Variants in CADPS2 observed in about 807,000 individuals in gnomAD.
CADPS2 encodes calcium dependent secretion activator 2.
CADPS2 carries 93 observed loss-of-function variants against 172.5 expected under a neutral mutation model. The ratio of observed to expected loss-of-function variants is 0.54; its 90% CI spans 0.46 to 0.64. CADPS2 has a LOEUF of 0.64. CADPS2 is among the 30% of genes least tolerant of loss of function. The pLI, the probability that CADPS2 is intolerant of heterozygous loss-of-function variation, is 0.00. For synonymous variants in CADPS2, 546 were observed against 555.2 expected (o/e 0.98, Z 0.23); for missense variants, 1,420 against 1,565.9 (o/e 0.91, Z 1.57).
chr7:122,637,570 G>A (rs113143625), intron 3 of CADPS2, among the ~76,000 whole-genome samples: 1 of 152,146 alleles, frequency 6.6e-6, no homozygotes, highest in African/African-American at 2.4e-5. Flanking sequence ...CTGTTTTACG[G>A]AATTCCTTGA....
Position 122,540,631 on chromosome 7 carries a change from A to T in CADPS2, c.1475+13919T>A, listed in dbSNP as rs184147085. ...CTCTCAGCAATTAAAACGGCAAGGC[A>T]TATTATTAAGGTCCCACAATTCTTC... On this transcript the variant is annotated intron_variant, in intron 8 of 29. Coordinates refer to ENST00000449022, the MANE Select transcript of CADPS2 (RefSeq NM_017954.11). 3.3e-5 allele frequency among the ~76,000 whole-genome samples: 5 copies of T among 152,254 alleles called. No individual in the cohort carries two copies. The East Asian group carries it at 9.6e-4, about 29-fold the overall frequency.
At chr7:122,756,438 T>G (rs1261277097) in intron 1 of CADPS2, among the ~76,000 whole-genome samples, 4 of 152,182 alleles carry the variant, frequency 2.6e-5, no homozygotes, top group Admixed American at 2.0e-4. Context: ...CCACATTTCT[T>G]AGGAAAGAGA....
chr7:122,722,108 A>C (rs2090488922), intron 2 of CADPS2, among the ~76,000 whole-genome samples: 2 of 152,152 alleles, frequency 1.3e-5, no homozygotes, highest in African/African-American at 4.8e-5. Context: ...AAAAACTGGA[A>C]GCATTCCCTT....
intron 1 of CADPS2, among the ~76,000 whole-genome samples, chr7:122,740,468 C>T (rs980430825): frequency 3.3e-5 from 5 of 152,012 alleles, no homozygotes; most frequent in African/African-American, 7.2e-5. Context: ...ACATACTGTA[C>T]GACTCCAACG....
chr7:122,751,210 C>G (rs1278307028), intron 1 of CADPS2, among the ~76,000 whole-genome samples: 1 of 152,114 alleles, frequency 6.6e-6, no homozygotes, highest in Non-Finnish European at 1.5e-5. Flanking sequence ...AACTCCTGAG[C>G]TCAAGGGTTC....
intron 1 of CADPS2, among the ~76,000 whole-genome samples, chr7:122,785,838 C>T (rs895100755): frequency 3.9e-5 from 6 of 152,156 alleles, no homozygotes; most frequent in Admixed American, 2.6e-4. Context: ...GAAGCCCTCC[C>T]ACCTCAAGCC....
chr7:122,435,012 G>C (rs2050447796), intron 17 of CADPS2, among the ~76,000 whole-genome samples: 1 of 152,004 alleles, frequency 6.6e-6, no homozygotes, highest in Non-Finnish European at 1.5e-5. Flanking sequence ...CTTTAAATTT[G>C]TATCAAAAAT....
intron 6 of CADPS2, among the ~76,000 whole-genome samples, chr7:122,608,209 C>A (rs141337315): frequency 0.019 from 2,264 of 119,884 alleles, 55 homozygotes; most frequent in African/African-American, 0.084. Flanking sequence ...AGCGAGACTC[C>A]GTCTAAAAAA....
intron 25 of CADPS2, among the ~76,000 whole-genome samples, chr7:122,377,368 T>C (rs998355264): frequency 2.0e-5 from 3 of 152,186 alleles, no homozygotes; most frequent in African/African-American, 2.4e-5. Context: ...AGAGATGACA[T>C]GCAGCCCCAT....
Position 122,652,598 on chromosome 7 carries a change from T to G in CADPS2, c.786+10639A>C, listed in dbSNP as rs1015899190. 2.6e-5 allele frequency among the ~76,000 whole-genome samples: 4 copies of G among 152,330 alleles called. No homozygotes were observed. In the East Asian group the frequency reaches 5.8e-4, roughly 22 times the overall value. Reference sequence around the variant, plus strand: ...ACTCCTGTTCCTTTTTATAATATCCTGATTCAATTAAATCACAGCTAACAA... The same window carrying G: ...ACTCCTGTTCCTTTTTATAATATCCGGATTCAATTAAATCACAGCTAACAA... On this transcript the variant is annotated intron_variant, in intron 3 of 29. Transcript: ENST00000449022.
chr7:122,706,964 G>A (rs935823192), intron 2 of CADPS2, among the ~76,000 whole-genome samples: 38 of 151,234 alleles, frequency 2.5e-4, no homozygotes, highest in African/African-American at 9.2e-4. Flanking sequence ...GATTATCTTA[G>A]GTTAATCATG....
intron 13 of CADPS2, among the ~76,000 whole-genome samples, chr7:122,473,636 T>A (rs2056262131): frequency 6.6e-6 from 1 of 152,224 alleles, no homozygotes; most frequent in African/African-American, 2.4e-5. Flanking sequence ...ATAGGCATTT[T>A]CTGGCTGCAA....
chr7:122,349,327 C>T (rs1208946537), intron 27 of CADPS2, among the ~76,000 whole-genome samples: 2 of 151,918 alleles, frequency 1.3e-5, no homozygotes, highest in Non-Finnish European at 2.9e-5. Context: ...ATAACAAAAA[C>T]CATATAGTAA....
Position 122,388,575 on chromosome 7 carries a change from A to C in CADPS2, c.3164+8T>G, listed in dbSNP as rs780826934. The C allele has an allele frequency of 1.9e-6, 3 of 1,572,140 alleles. No homozygotes were observed. Among genetic ancestry groups the C allele is most frequent in the Admixed American group, 1.8e-5 (1 of 54,164 alleles). On this transcript the variant is annotated splice_region_variant and intron_variant, in intron 23 of 29. Transcript: ENST00000449022. ...ACATTAAGCAGCAATTTGAAAATACATGTCTACCTTTTGACACAGGCCTCT... is the reference window on the plus strand; with the variant it reads ...ACATTAAGCAGCAATTTGAAAATACCTGTCTACCTTTTGACACAGGCCTCT...
rs759730025 is a variant in CADPS2 at position 122,320,293 on chromosome 7, G to A, written c.3763C>T (p.Leu1255=). The A allele has an allele frequency of 1.9e-6, 3 of 1,610,070 alleles. No individual in the cohort carries two copies. The highest frequency in any genetic ancestry group is 2.5e-6 in the Non-Finnish European group (3 of 1,178,068). The part of the protein sequence containing the change: ...FRLQGVLEGT[L]NSKTYDTVHR... The stretch of plus-strand genomic sequence containing the variant: ...ACAGTATCATAAGTCTTACTGTTCA[G>A]TGTTCCTTCCAACACACCCTGCAAT... The change falls in exon 30 of 30, where the codon CTG becomes TTG. Residue 1255 remains leucine (L), a synonymous_variant. Transcript: ENST00000449022.
chr7:122,432,146 T>C (rs560805146), intron 17 of CADPS2, among the ~76,000 whole-genome samples: 150 of 152,242 alleles, frequency 9.9e-4, no homozygotes, highest in African/African-American at 3.3e-3. Context: ...CTTGGAGGCA[T>C]GGCAGCCAGT....
intron 9 of CADPS2, among the ~76,000 whole-genome samples, chr7:122,495,722 T>C (rs2058681938): frequency 6.6e-6 from 1 of 152,198 alleles, no homozygotes; most frequent in African/African-American, 2.4e-5. Flanking sequence ...TTACTGAATG[T>C]TGCCTAGCTG....
At chr7:122,444,036 G>A (rs376577722) in intron 15 of CADPS2, among the ~76,000 whole-genome samples, 3 of 152,052 alleles carry the variant, frequency 2.0e-5, no homozygotes, top group African/African-American at 7.2e-5. Context: ...TGATTAGTTT[G>A]TATGTCTAGA....
At chr7:122,540,883 T>C (rs1260572309) in intron 8 of CADPS2, among the ~76,000 whole-genome samples, 1 of 152,164 alleles carries the variant, frequency 6.6e-6, no homozygotes, top group African/African-American at 2.4e-5. Context: ...ATTGATTTTA[T>C]AGAAATGTAA....
Sources: gnomAD v4.1 joint callset for allele counts (sites outside exome capture counted in the v4.1 genomes callset) on GRCh38, gnomAD v4.1.1 for gene constraint, MANE v1.5 for transcripts, NCBI Gene and HGNC (gene_info 2026-07-23, HGNC 2026-07-21) for gene names.